TAL1: variants seen among roughly 807,000 people sequenced by gnomAD.
The protein encoded by TAL1 is TAL bHLH transcription factor 1, erythroid differentiation factor.
In TAL1, 8 loss-of-function variants were observed where a neutral mutation model predicts 17.9. The observed-to-expected ratio is 0.45, with a 90% CI of 0.26 to 0.81. The LOEUF is 0.81. TAL1 is among the 30% of genes least tolerant of loss of function. The probability of loss-of-function intolerance (pLI) is 0.17; values close to 1 mark genes in which losing one functional copy is unlikely to be tolerated. For synonymous variants in TAL1, 223 were observed against 218.6 expected (o/e 1.02, Z -0.18); for missense variants, 466 against 486.9 (o/e 0.96, Z 0.40).
chr1:47,225,077 T>C (rs1643886286), intron 2 of TAL1, among the ~76,000 whole-genome samples: 2 of 152,178 alleles, frequency 1.3e-5, no homozygotes, highest in Non-Finnish European at 2.9e-5. Flanking sequence ...AGGCACACTC[T>C]TTCCTGGTAC....
Position 47,223,138 on chromosome 1 carries a change from T to C in TAL1, c.541+866A>G, listed in dbSNP as rs572343896. 9.2e-5 allele frequency among the ~76,000 whole-genome samples: 14 copies of C among 152,268 alleles called. No homozygotes were observed. In the South Asian group the frequency reaches 2.9e-3, roughly 32 times the overall value. On this transcript the variant is annotated intron_variant, in intron 3 of 3. Coordinates refer to ENST00000294339, the Ensembl canonical transcript of TAL1. ...ATATTCCTCCCACCAGTTTGGAGCA[T>C]AAATCCCAGCCTTGCTCTGAGGCCT...
At chr1:47,225,180 C>T (rs1253172593) in intron 2 of TAL1, among the ~76,000 whole-genome samples, 1 of 152,206 alleles carries the variant, frequency 6.6e-6, no homozygotes, top group Admixed American at 6.5e-5. Context: ...TGTCCACGTC[C>T]TCCTCTCGGC....
At chr1:47,216,499 G>A (rs1363632304) in exon 4 of TAL1, 8 of 230,290 alleles carry the variant, frequency 3.5e-5, no homozygotes, top group East Asian at 1.2e-4. Flanking sequence ...ACAGTACAAC[G>A]TTGACGGAAA....
chr1:47,231,550 C>A (rs1569941194), upstream of TAL1: 1 of 233,996 alleles, frequency 4.3e-6, no homozygotes, highest in Admixed American at 5.6e-5. Context: ...ATCAGTCAAA[C>A]GCAGCGGCTC....
chr1:47,223,920 C>G, intron 3 of TAL1, 84 bp downstream of exon 4: 1 of 1,318,442 alleles, frequency 7.6e-7, no homozygotes, highest in Non-Finnish European at 1.1e-6. Context: ...GAGATACCTA[C>G]GGAGTAGTCC....
At chr1:47,230,404 A>G (rs1643990457), upstream of TAL1, 1 of 152,182 alleles carries the variant, frequency 6.6e-6, no homozygotes, top group South Asian at 2.1e-4. Context: ...TGGTGGACAT[A>G]TAGGAATAAT....
At chr1:47,220,230 G>T in intron 3 of TAL1, 56 bp from the exon 5 acceptor site, 1 of 1,466,868 alleles carries the variant, frequency 6.8e-7, no homozygotes, top group Non-Finnish European at 9.0e-7. Flanking sequence ...CTTCCCCAAA[G>T]GCATCTCCAT....
chr1:47,219,894 G>GGCGCCCCCCCCCCCCCCCCCC, exon 4 of TAL1: 3 of 1,556,024 alleles, frequency 1.9e-6, no homozygotes, highest in Non-Finnish European at 2.6e-6. Context: ...CTGGGGGCGC[G>GGCGCCCCCCCCCCCCCCCCCC]CCGCCCCCTC....
chr1:47,223,697 G>T (rs187284867), intron 3 of TAL1: 95 of 265,268 alleles, frequency 3.6e-4, no homozygotes, highest in African/African-American at 1.7e-3. Flanking sequence ...AATGGAGCCC[G>T]GACTGGGGAC....
At chr1:47,223,965 G>A (rs374229239) in intron 3 of TAL1, 39 bp downstream of exon 4, 48 of 1,579,520 alleles carry the variant, frequency 3.0e-5, no homozygotes, top group African/African-American at 2.8e-4. Flanking sequence ...TCTAACCAGC[G>A]TGAGGGGCAG....
At chr1:47,220,379 C>T (rs1233813837) in intron 3 of TAL1, among the ~76,000 whole-genome samples, 1 of 152,186 alleles carries the variant, frequency 6.6e-6, no homozygotes, top group African/African-American at 2.4e-5. Flanking sequence ...CCAACCACCA[C>T]GATACCGCAA....
upstream of TAL1, chr1:47,232,272 C>G (rs1569943957): frequency 6.1e-6 from 1 of 165,026 alleles, no homozygotes; most frequent in South Asian, 1.8e-4. Flanking sequence ...GCCCCGCGCC[C>G]GCCCGGCCCC....
exon 4 of TAL1, chr1:47,216,845 C>A: frequency 4.3e-6 from 1 of 231,610 alleles, no homozygotes; most frequent in Admixed American, 5.6e-5. Flanking sequence ...AGATGCTATT[C>A]TTGGAATGTT....
At chr1:47,222,834 G>A (rs759188288) in intron 3 of TAL1, among the ~76,000 whole-genome samples, 6 of 151,894 alleles carry the variant, frequency 4.0e-5, no homozygotes, top group Non-Finnish European at 7.4e-5. Context: ...ACAAACCCTC[G>A]CCCCTATGCT....
chr1:47,219,854 T>TG lies in TAL1; in HGVS notation c.861dup (p.Asn288GlnfsTer59), dbSNP rs1428072561. The TG allele has an allele frequency of 4.4e-6, 7 of 1,598,266 alleles. No individual in the cohort carries two copies. The highest frequency in any genetic ancestry group is 6.0e-6 in the Non-Finnish European group (7 of 1,170,148). Reference sequence around the variant, plus strand: ...TCCAGGGAGCTGCCGCAGCTGGAGTTGGGGGAAAGCACGTCTTGCAGGAGG... The same window carrying TG: ...TCCAGGGAGCTGCCGCAGCTGGAGTTGGGGGGAAAGCACGTCTTGCAGGAGG... On this transcript the variant is annotated frameshift_variant, in exon 4 of 4. Transcript: ENST00000294339. LOFTEE classifies it high-confidence loss of function.
chr1:47,225,810 C>G, exon 2 of TAL1: 2 of 1,572,632 alleles, frequency 1.3e-6, no homozygotes, highest in Admixed American at 1.7e-5. Flanking sequence ...TGCGGGGGGG[C>G]CATGCTGGCC....
intron 3 of TAL1, 147 bp downstream of exon 4, chr1:47,223,857 A>G: frequency 1.3e-6 from 1 of 745,960 alleles, no homozygotes; most frequent in Non-Finnish European, 2.3e-6. Flanking sequence ...GCTCAGCTGC[A>G]GGGTGAAGGG....
Position 47,224,106 on chromosome 1 carries a change from A to G in TAL1, c.447-8T>C. 6.2e-7 allele frequency: 1 copy of G among 1,613,286 alleles called. No individual in the cohort carries two copies. Among genetic ancestry groups the G allele is most frequent in the Non-Finnish European group, 8.5e-7 (1 of 1,179,606 alleles). ...GGCTCCCCAAAGAACCCGCTGTGGG[A>G]GGGAACGGGCAGATCACAAGATCCC... On this transcript the variant is annotated splice_region_variant and splice_polypyrimidine_tract_variant and intron_variant, in intron 2 of 3. Transcript: ENST00000294339.
At chr1:47,217,104 G>T in exon 4 of TAL1, 2 of 235,858 alleles carry the variant, frequency 8.5e-6, no homozygotes. Context: ...TCTGGGCTGG[G>T]TGCAATGGCT....
Sources: gnomAD v4.1 joint callset for allele counts (sites outside exome capture counted in the v4.1 genomes callset) on GRCh38, gnomAD v4.1.1 for gene constraint, MANE v1.5 for transcripts, NCBI Gene and HGNC (gene_info 2026-07-23, HGNC 2026-07-21) for gene names.